Variants in MAST2 observed in about 807,000 individuals in gnomAD.
The protein encoded by MAST2 is microtubule-associated serine/threonine-protein kinase 2.
A neutral mutation model predicts 147.4 loss-of-function variants in MAST2; 70 were observed. That is an observed-to-expected ratio of 0.47 (90% CI 0.39 to 0.58). The LOEUF (loss-of-function observed/expected upper bound fraction) is 0.58. MAST2 is among the 20% of genes least tolerant of loss of function. MAST2 has a pLI of 0.00. For missense variants in MAST2, 2,080 were observed against 2,302.3 expected, an observed-to-expected ratio of 0.90 and a Z score of 1.98; for synonymous variants, 869 against 896.8, an observed-to-expected ratio of 0.97 and a Z score of 0.55.
At chr1:45,943,306 A>G (rs980246344) in intron 4 of MAST2, among the ~76,000 whole-genome samples, 1 of 152,180 alleles carries the variant, frequency 6.6e-6, no homozygotes, top group Non-Finnish European at 1.5e-5. Context: ...TTATTTGGCC[A>G]TAGCAGTTGG....
At chr1:45,805,656 T>A (rs1215367277) in intron 1 of MAST2, among the ~76,000 whole-genome samples, 1 of 152,210 alleles carries the variant, frequency 6.6e-6, no homozygotes, top group African/African-American at 2.4e-5. Flanking sequence ...TTTTCCCTCC[T>A]CTTTATTTTA....
At chr1:45,917,033 G>A (rs1034397660) in intron 4 of MAST2, among the ~76,000 whole-genome samples, 2 of 152,196 alleles carry the variant, frequency 1.3e-5, no homozygotes, top group African/African-American at 4.8e-5. Flanking sequence ...AGCCAAGATC[G>A]TGCCATTGCA....
intron 1 of MAST2, among the ~76,000 whole-genome samples, chr1:45,822,044 A>G (rs563021259): frequency 2.7e-5 from 4 of 150,764 alleles, no homozygotes; most frequent in South Asian, 4.2e-4. Context: ...ACGTGCCATC[A>G]CGCCCAGCTA....
intron 4 of MAST2, among the ~76,000 whole-genome samples, chr1:45,890,116 C>T (rs1044001168): frequency 6.6e-6 from 1 of 152,176 alleles, no homozygotes; most frequent in Non-Finnish European, 1.5e-5. Context: ...ACCTCACTTC[C>T]TTATGAAAGG....
At chr1:45,862,405 C>A (rs1347966938) in intron 3 of MAST2, among the ~76,000 whole-genome samples, 1 of 151,582 alleles carries the variant, frequency 6.6e-6, no homozygotes, top group African/African-American at 2.4e-5. Flanking sequence ...AAGATAAAAT[C>A]TGTTGTTTCC....
At position 45,817,591 on chromosome 1, in the gene MAST2, C is replaced by T. The variant is rs1459674888; in HGVS notation, c.178-6842C>T. Reference sequence around the variant, plus strand: ...CAAATGCTAAAGGGAGTTCTTCAATCTGAAAGAAAAGGATGTTAATGAGCA... The same window carrying T: ...CAAATGCTAAAGGGAGTTCTTCAATTTGAAAGAAAAGGATGTTAATGAGCA... On this transcript the variant is annotated intron_variant, in intron 1 of 28. Coordinates refer to ENST00000361297, the MANE Select transcript of MAST2 (RefSeq NM_015112.3). 3.3e-5 allele frequency among the ~76,000 whole-genome samples: 5 copies of T among 152,086 alleles called. No homozygotes were observed. The South Asian group carries it at 1.0e-3, about 32-fold the overall frequency.
chr1:45,841,914 A>G (rs1295761308), intron 3 of MAST2, among the ~76,000 whole-genome samples: 3 of 152,204 alleles, frequency 2.0e-5, no homozygotes, highest in Non-Finnish European at 4.4e-5. Flanking sequence ...TTGCAAAATA[A>G]GTTTTGACAT....
At chr1:46,006,195 T>C in intron 7 of MAST2, 46 bp from the exon 8 acceptor site, 14 of 1,580,686 alleles carry the variant, frequency 8.9e-6, no homozygotes, top group Non-Finnish European at 1.2e-5. Flanking sequence ...CTTGGACTGC[T>C]CTGGGACATG....
chr1:45,967,620 G>A (rs1017047740), intron 5 of MAST2, among the ~76,000 whole-genome samples: 1 of 152,158 alleles, frequency 6.6e-6, no homozygotes, highest in Non-Finnish European at 1.5e-5. Flanking sequence ...TTCACATTGA[G>A]TAGGCTGAGG....
At chr1:45,857,973 T>C (rs1314840507) in intron 3 of MAST2, among the ~76,000 whole-genome samples, 3 of 151,456 alleles carry the variant, frequency 2.0e-5, no homozygotes, top group South Asian at 2.1e-4. Flanking sequence ...TAGTATTCCA[T>C]GGTGTATATG....
intron 4 of MAST2, chr1:45,917,444 T>C: frequency 7.3e-7 from 1 of 1,366,628 alleles, no homozygotes; most frequent in Non-Finnish European, 9.8e-7. Context: ...CTGATTGTGC[T>C]TTGGCTACTT....
At chr1:45,977,564 C>T (rs999801015) in intron 5 of MAST2, among the ~76,000 whole-genome samples, 2 of 152,012 alleles carry the variant, frequency 1.3e-5, no homozygotes, top group Admixed American at 6.6e-5. Flanking sequence ...CTTTGGGAGG[C>T]CGAGGCGGGC....
chr1:45,932,453 C>A (rs1025074108), intron 4 of MAST2, among the ~76,000 whole-genome samples: 1 of 152,064 alleles, frequency 6.6e-6, no homozygotes, highest in African/African-American at 2.4e-5. Context: ...GTGGGTGGAT[C>A]ACTTGAGGTC....
chr1:45,957,560 C>G (rs1261748343), intron 4 of MAST2, among the ~76,000 whole-genome samples: 2 of 152,190 alleles, frequency 1.3e-5, no homozygotes, highest in Non-Finnish European at 2.9e-5. Context: ...CCCCTGGAGT[C>G]AAGCAGTCCT....
At position 46,023,245 on chromosome 1, in the gene MAST2, T is replaced by A; in HGVS notation, c.1498T>A (p.Ser500Thr). ...TDDSIEGHGA[S>T]LPSKKTPSEE... ...CCTTGTCTTCCAGGGCCATGGGGCATCTCTGCCATCTAAAAAGACACCCTC... is the reference window on the plus strand; with the variant it reads ...CCTTGTCTTCCAGGGCCATGGGGCAACTCTGCCATCTAAAAAGACACCCTC... The change falls in exon 14 of 29, where the codon TCT (serine) becomes ACT (threonine). Residue 500 changes from serine (S) to threonine (T), a missense_variant. Ser to Thr is a moderately conservative substitution (Grantham distance 58). Coordinates refer to ENST00000361297, the MANE Select transcript of MAST2 (RefSeq NM_015112.3). This position sits in a 1 kb window ranked among gnomAD's most constrained non-coding sequence, Gnocchi z 4.9. 6.2e-7 allele frequency: 1 copy of A among 1,614,140 alleles called. No homozygotes were observed. Among genetic ancestry groups the A allele is most frequent in the Non-Finnish European group, 8.5e-7 (1 of 1,179,974 alleles).
chr1:45,821,885 C>CTTTTTT (rs71587723), intron 1 of MAST2, among the ~76,000 whole-genome samples: 47 of 100,842 alleles, frequency 4.7e-4, no homozygotes, highest in African/African-American at 9.3e-4. Context: ...TCACCTTCAC[C>CTTTTTT]TTTTTTTTTT....
At chr1:45,947,899 G>T (rs1019696358) in intron 4 of MAST2, among the ~76,000 whole-genome samples, 2 of 152,112 alleles carry the variant, frequency 1.3e-5, no homozygotes, top group African/African-American at 4.8e-5. Context: ...TGTATTTTTA[G>T]TAGAGACAGG....
At chr1:45,914,185 A>G (rs1042879517) in intron 4 of MAST2, among the ~76,000 whole-genome samples, 1 of 152,206 alleles carries the variant, frequency 6.6e-6, no homozygotes, top group Non-Finnish European at 1.5e-5. Flanking sequence ...AGTTAGTGTC[A>G]AGGCTGCAAA....
At chr1:46,009,596 G>A (rs1438443369) in intron 9 of MAST2, among the ~76,000 whole-genome samples, 1 of 152,220 alleles carries the variant, frequency 6.6e-6, no homozygotes, top group Non-Finnish European at 1.5e-5. Flanking sequence ...ATATAATGTT[G>A]AGAAATGTAT....
Sources: allele counts gnomAD v4.1 joint callset (sites outside exome capture counted in the v4.1 genomes callset), GRCh38; gene constraint gnomAD v4.1.1; non-coding constraint Gnocchi (gnomAD v3.1); transcripts MANE v1.5; gene names NCBI Gene and HGNC (gene_info 2026-07-23, HGNC 2026-07-21).